ZNF536: variants seen among roughly 807,000 people sequenced by gnomAD.
The protein encoded by ZNF536 is zinc finger protein 536.
A neutral mutation model predicts 84.5 loss-of-function variants in ZNF536; 13 were observed. The observed-to-expected ratio is 0.15, with a 90% CI of 0.10 to 0.24. The LOEUF (loss-of-function observed/expected upper bound fraction) is 0.24, where lower values mean the gene tolerates loss of function less well. Among genes scored for constraint, ZNF536 ranks in the 10% least tolerant of loss-of-function variants. The pLI, the probability that ZNF536 is intolerant of heterozygous loss-of-function variation, is 1.00. For synonymous variants in ZNF536, 811 were observed against 742.5 expected (o/e 1.09, Z -1.50); for missense variants, 1,536 against 1,747.5 (o/e 0.88, Z 2.16).
intron 2 of ZNF536, among the ~76,000 whole-genome samples, chr19:30,530,992 A>G (rs1333969895): frequency 1.3e-5 from 2 of 152,130 alleles, no homozygotes; most frequent in African/African-American, 4.8e-5. Context: ...TTGCTCCCCC[A>G]GCCTTCACTG....
chr19:30,297,286 G>A (rs967001615), intron 2 of ZNF536, among the ~76,000 whole-genome samples: 1 of 152,126 alleles, frequency 6.6e-6, no homozygotes, highest in African/African-American at 2.4e-5. Context: ...GGTTCATATG[G>A]TTCATCACCA....
At chr19:30,450,010 G>A (rs1232654971) in intron 2 of ZNF536, among the ~76,000 whole-genome samples, 8 of 139,626 alleles carry the variant, frequency 5.7e-5, no homozygotes, top group South Asian at 2.3e-4. Flanking sequence ...ACAAATCCAG[G>A]CACCCAAAAG....
At chr19:30,671,399 A>C (rs1248789018) in intron 1 of ZNF536, among the ~76,000 whole-genome samples, 2 of 152,178 alleles carry the variant, frequency 1.3e-5, no homozygotes, top group Non-Finnish European at 2.9e-5. Flanking sequence ...GCAAATGCAG[A>C]GGGTGTGGAA....
intron 1 of ZNF536, among the ~76,000 whole-genome samples, chr19:30,652,238 G>A (rs1470706819): frequency 6.6e-6 from 1 of 152,108 alleles, no homozygotes; most frequent in African/African-American, 2.4e-5. Flanking sequence ...AGTAAATACA[G>A]GGAGGTTTAA....
At chr19:30,634,230 C>T (rs1568622386) in intron 1 of ZNF536, among the ~76,000 whole-genome samples, 1 of 152,074 alleles carries the variant, frequency 6.6e-6, no homozygotes. Flanking sequence ...ATTGTTGTGC[C>T]GTAAGTTAGC....
chr19:30,578,476 G>A (rs2046812916), intron 1 of ZNF536, among the ~76,000 whole-genome samples: 1 of 152,210 alleles, frequency 6.6e-6, no homozygotes, highest in Admixed American at 6.5e-5. Flanking sequence ...TTGTCATGCT[G>A]GACATCTTGG....
chr19:30,441,960 G>C (rs1430923706), intron 1 of ZNF536, among the ~76,000 whole-genome samples: 1 of 152,238 alleles, frequency 6.6e-6, no homozygotes, highest in Admixed American at 6.5e-5. Flanking sequence ...GAGGCTGCCT[G>C]TGCTTCCTCC....
intron 2 of ZNF536, among the ~76,000 whole-genome samples, chr19:30,510,521 G>A (rs1033060473): frequency 5.9e-5 from 9 of 152,216 alleles, no homozygotes; most frequent in Non-Finnish European, 1.3e-4. Flanking sequence ...ATTGGGCAGT[G>A]ATAGCTTTAG....
intron 1 of ZNF536, among the ~76,000 whole-genome samples, chr19:30,631,683 G>C (rs2147245164): frequency 6.6e-6 from 1 of 152,262 alleles, no homozygotes; most frequent in East Asian, 1.9e-4. Flanking sequence ...GTGATTCCCT[G>C]GGTTACCAGT....
intron 3 of ZNF536, among the ~76,000 whole-genome samples, chr19:30,354,818 AG>A (rs747435945): frequency 1.6e-4 from 24 of 152,336 alleles, no homozygotes; most frequent in Non-Finnish European, 2.8e-4. Flanking sequence ...GCTGACTTTC[AG>A]GCTCTAGACC....
chr19:30,371,914 T>TAA (rs1555733685), upstream of ZNF536, among the ~76,000 whole-genome samples: 2 of 152,144 alleles, frequency 1.3e-5, no homozygotes, highest in Non-Finnish European at 2.9e-5. Context: ...CATAGATTCT[T>TAA]CCTTAAGTGT....
chr19:30,378,128 G>A (rs556638864), intron 1 of ZNF536, among the ~76,000 whole-genome samples: 9 of 152,090 alleles, frequency 5.9e-5, no homozygotes, highest in East Asian at 5.8e-4. Flanking sequence ...CTTCTTAGTC[G>A]CCCCAGCCTG....
chr19:30,652,046 G>A (rs927790474), intron 1 of ZNF536, among the ~76,000 whole-genome samples: 28 of 152,178 alleles, frequency 1.8e-4, no homozygotes, highest in African/African-American at 6.5e-4. Flanking sequence ...TTCATGTTAT[G>A]TTTACCAAGG....
intron 1 of ZNF536, among the ~76,000 whole-genome samples, chr19:30,684,689 G>A (rs987635626): frequency 3.9e-5 from 6 of 152,142 alleles, no homozygotes; most frequent in Non-Finnish European, 8.8e-5. Flanking sequence ...GGCTTGGTTC[G>A]GTCATTCTGT....
intron 1 of ZNF536, among the ~76,000 whole-genome samples, chr19:30,693,190 G>A (rs192387045): frequency 2.4e-4 from 37 of 152,236 alleles, no homozygotes; most frequent in Non-Finnish European, 3.7e-4. Context: ...ATCTCGCATG[G>A]GACAAAGGGA....
At chr19:30,344,304 TTGGCGGCCTC>T (rs2047667467) in intron 2 of ZNF536, among the ~76,000 whole-genome samples, 2 of 66,256 alleles carry the variant, frequency 3.0e-5, no homozygotes, top group Admixed American at 1.9e-4. Context: ...CACAAATATA[TTGGCGGCCTC>T]CTATAATCCC....
At chr19:30,486,022 T>C (rs1049304902) in intron 2 of ZNF536, among the ~76,000 whole-genome samples, 2 of 152,180 alleles carry the variant, frequency 1.3e-5, no homozygotes, top group Non-Finnish European at 2.9e-5. Flanking sequence ...GGCGTCACTA[T>C]TATCCATCAG....
chr19:30,376,689 C>G (rs1229324377), intron 1 of ZNF536, among the ~76,000 whole-genome samples: 3 of 152,152 alleles, frequency 2.0e-5, no homozygotes, highest in African/African-American at 7.2e-5. Flanking sequence ...CACTTTTTTC[C>G]TGTGACTCTC....
rs550418973 is a variant in ZNF536 at position 30,448,371 on chromosome 19, G to A, written c.2170+2639G>A. 3.3e-5 allele frequency among the ~76,000 whole-genome samples: 5 copies of A among 152,090 alleles called. No individual in the cohort carries two copies. The East Asian group carries it at 5.8e-4, about 18-fold the overall frequency. On this transcript the variant is annotated intron_variant, in intron 2 of 4. Transcript: ENST00000355537. ...TTGTATAGAAGTGCGATTAAAATAA[G>A]CATTTAAATAAAAATCTGGATACAA...
Sources: allele counts gnomAD v4.1 joint callset (sites outside exome capture counted in the v4.1 genomes callset), GRCh38; gene constraint gnomAD v4.1.1; transcripts MANE v1.5; gene names NCBI Gene and HGNC (gene_info 2026-07-23, HGNC 2026-07-21).